Variants in INTS6 observed in about 807,000 individuals in gnomAD.
The protein encoded by INTS6 is integrator complex subunit 6.
Under a neutral mutation model 104.9 loss-of-function variants are expected in INTS6, and 16 were observed. The observed-to-expected ratio is 0.15, with a 90% CI of 0.10 to 0.23. The LOEUF (loss-of-function observed/expected upper bound fraction) is 0.23. INTS6 is among the 10% of genes least tolerant of loss of function. INTS6 has a pLI of 1.00. For missense variants in INTS6, 584 were observed against 1,062.8 expected (o/e 0.55, Z 6.26); for synonymous variants, 324 against 358.7 (o/e 0.90, Z 1.09).
Position 51,362,220 on chromosome 13 carries a change from CT to C in INTS6, c.*3531del, listed in dbSNP as rs1346636206. ...AGTAAAATAAATTATAAATCTTGCC[CT>C]TTTTTCCCTTTGTCCCCTAGCTTTC... On this transcript the variant is annotated 3_prime_UTR_variant, in exon 18 of 18. Coordinates refer to ENST00000311234, the MANE Select transcript of INTS6 (RefSeq NM_012141.3). 15 of 539,614 alleles carry C rather than the reference CT, an allele frequency of 2.8e-5. No homozygotes were observed. In the East Asian group the frequency reaches 5.8e-4, roughly 21 times the overall value. The allele number at this position is 539,614 out of a possible 1,614,324, so 33.4% of individuals were successfully genotyped here. A position where few individuals can be genotyped will look rare whatever the true frequency, so the allele number is the denominator to read the frequency against.
the INTS6 span, among the ~76,000 whole-genome samples, chr13:51,340,608 G>C: frequency 6.6e-6 from 1 of 152,154 alleles, no homozygotes; most frequent in Admixed American, 6.5e-5. Context: ...TAGTGAGATT[G>C]TTGGGATGAT....
downstream of INTS6, among the ~76,000 whole-genome samples, chr13:51,351,767 C>T (rs1955405524): frequency 6.6e-6 from 1 of 151,976 alleles, no homozygotes; most frequent in Admixed American, 6.6e-5. Context: ...ACTTTATAGG[C>T]TTAGCTCTTA....
the INTS6 span, chr13:51,341,469 ACACT>A: frequency 1.0e-6 from 1 of 971,520 alleles, no homozygotes. Context: ...GCTCATACTC[ACACT>A]CACTCTCTCC....
intron 12 of INTS6, among the ~76,000 whole-genome samples, chr13:51,376,837 C>T (rs1955941996): frequency 6.6e-6 from 1 of 152,036 alleles, no homozygotes; most frequent in Admixed American, 6.6e-5. Context: ...ATGGACACAC[C>T]ACATCTTCTT....
the INTS6 span, among the ~76,000 whole-genome samples, chr13:51,344,969 G>T: frequency 6.8e-6 from 1 of 146,178 alleles, no homozygotes; most frequent in African/African-American, 2.8e-5. Flanking sequence ...ATTGAAGAAA[G>T]AGACTTACAA....
In INTS6 at chr13:51,368,920, CG is replaced by C; in HGVS notation, c.2476+18del. ...ACATACAGAAATCAGATCTGAGGTT[CG>C]TCTCTTATTATACATACTTCTTCCT... On this transcript the variant is annotated intron_variant, in intron 16 of 17. Transcript: ENST00000311234. 1 of 1,526,576 alleles carries C rather than the reference CG, an allele frequency of 6.6e-7. No individual in the cohort carries two copies. The highest frequency in any genetic ancestry group is 1.3e-5 in the South Asian group (1 of 75,934). 94.6% of individuals were successfully genotyped at this position (1,526,576 alleles called of 1,614,324 possible).
intron 3 of INTS6, chr13:51,446,292 C>A (rs548674418): frequency 6.6e-6 from 1 of 152,158 alleles, no homozygotes; most frequent in East Asian, 1.9e-4. Flanking sequence ...AAATGGCCAA[C>A]AAGCGTATGT....
At chr13:51,420,957 G>A (rs1304791651) in intron 4 of INTS6, among the ~76,000 whole-genome samples, 1 of 152,048 alleles carries the variant, frequency 6.6e-6, no homozygotes, top group African/African-American at 2.4e-5. Flanking sequence ...CTCAAAAGCT[G>A]GGGTCTGATA....
At position 51,378,456 on chromosome 13, in the gene INTS6, TA is replaced by T. The variant is rs1316903789; in HGVS notation, c.1387-3del. 2 of 1,604,854 alleles carry T rather than the reference TA, an allele frequency of 1.2e-6. No individual in the cohort carries two copies. The highest frequency in any genetic ancestry group is 2.7e-5 in the African/African-American group (2 of 74,638). ...GACTCGATCAGATTCTATTTTGGCC[TA>T]AAGTAAAAATAAGTCAGAATTATCT... is the stretch of plus-strand genomic sequence containing the variant. On this transcript the variant is annotated splice_region_variant and splice_polypyrimidine_tract_variant and intron_variant, in intron 11 of 17. Coordinates refer to ENST00000311234, the MANE Select transcript of INTS6 (RefSeq NM_012141.3).
chr13:51,423,917 T>A (rs1956940859), intron 4 of INTS6, among the ~76,000 whole-genome samples: 1 of 152,032 alleles, frequency 6.6e-6, no homozygotes, highest in East Asian at 1.9e-4. Flanking sequence ...CAGAATCACA[T>A]GAGACACTGT....
intron 12 of INTS6, among the ~76,000 whole-genome samples, chr13:51,377,516 T>C (rs893827124): frequency 2.6e-5 from 4 of 152,168 alleles, no homozygotes; most frequent in Non-Finnish European, 5.9e-5. Context: ...TATGAGGTAA[T>C]GGTCAAATTC....
At chr13:51,384,342 T>C in intron 7 of INTS6, 1 of 223,978 alleles carries the variant, frequency 4.5e-6, no homozygotes, top group Non-Finnish European at 9.0e-6. Flanking sequence ...GTAATACTTT[T>C]TTTAAAAAGG....
intron 2 of INTS6, 73 bp downstream of exon 2, chr13:51,451,905 G>C (rs1183925482): frequency 1.9e-6 from 2 of 1,072,050 alleles, no homozygotes; most frequent in Non-Finnish European, 1.4e-6. Context: ...AGGGTGAATG[G>C]GGGGGCGGGG....
At chr13:51,415,660 CTTTTAT>C (rs1956775537) in intron 4 of INTS6, among the ~76,000 whole-genome samples, 3 of 151,630 alleles carry the variant, frequency 2.0e-5, no homozygotes, top group Non-Finnish European at 4.4e-5. Context: ...AAACCTCTTT[CTTTTAT>C]TAATTGCCCA....
exon 4 of INTS6, chr13:51,354,077 T>C (rs1428987768): frequency 6.6e-6 from 1 of 152,174 alleles, no homozygotes; most frequent in African/African-American, 2.4e-5. Context: ...ACACAGCAAA[T>C]ATGAAAATAT....
chr13:51,447,098 CATT>C (rs1210678970), intron 3 of INTS6: 2 of 152,174 alleles, frequency 1.3e-5, no homozygotes, highest in South Asian at 2.1e-4. Context: ...TACTATTCAT[CATT>C]GTGTTTCCAG....
chr13:51,378,157 A>C, intron 12 of INTS6, 82 bp downstream of exon 12: 1 of 989,148 alleles, frequency 1.0e-6, no homozygotes, highest in Non-Finnish European at 1.6e-6. Flanking sequence ...GATAAACTGA[A>C]TGTCAGAGTT....
chr13:51,377,226 TTTA>T (rs1369449411), intron 12 of INTS6, among the ~76,000 whole-genome samples: 1 of 152,120 alleles, frequency 6.6e-6, no homozygotes, highest in Non-Finnish European at 1.5e-5. Context: ...TGTTTGTCCT[TTTA>T]TTATTGAGTT....
chr13:51,384,806 T>C, intron 7 of INTS6: 1 of 410,694 alleles, frequency 2.4e-6, no homozygotes, highest in South Asian at 1.8e-5. Context: ...TACTAAACTC[T>C]CATCTCTCTA....
Sources: gnomAD v4.1 joint callset for allele counts (sites outside exome capture counted in the v4.1 genomes callset) on GRCh38, gnomAD v4.1.1 for gene constraint, MANE v1.5 for transcripts, NCBI Gene and HGNC (gene_info 2026-07-23, HGNC 2026-07-21) for gene names.